The following HOMER2 variants were observed in gnomAD, a reference collection of about 807,000 sequenced individuals.
HOMER2 encodes homer scaffold protein 2, also known as homer protein homolog 2.
Under a neutral mutation model 47.0 loss-of-function variants are expected in HOMER2, and 27 were observed. That is an observed-to-expected ratio of 0.57 (90% confidence interval 0.42 to 0.79). The LOEUF is 0.79. HOMER2 is among the 30% of genes least tolerant of loss of function. HOMER2 has a pLI of 0.00. For synonymous variants in HOMER2, 161 were observed against 163.8 expected, an observed-to-expected ratio of 0.98 and a Z score of 0.13; for missense variants, 443 against 435.0, an observed-to-expected ratio of 1.02 and a Z score of -0.16.
chr15:82,929,653 C>CAAA (rs373315567), intron 1 of HOMER2, among the ~76,000 whole-genome samples: 21 of 90,934 alleles, frequency 2.3e-4, no homozygotes, highest in Middle Eastern at 5.7e-3. Context: ...GTGAGACTAT[C>CAAA]AAAAAAAAAA....
intron 5 of HOMER2, among the ~76,000 whole-genome samples, chr15:82,855,990 T>C (rs2051572430): frequency 6.6e-6 from 1 of 152,178 alleles, no homozygotes; most frequent in African/African-American, 2.4e-5. Context: ...CTAAGTCCTC[T>C]TTCTAAAGGC....
chr15:82,910,465 C>A (rs1157966016), intron 1 of HOMER2, among the ~76,000 whole-genome samples: 2 of 152,152 alleles, frequency 1.3e-5, no homozygotes, highest in Non-Finnish European at 2.9e-5. Flanking sequence ...TAATTTGGAC[C>A]ATACTAGCCA....
chr15:82,920,159 T>C (rs972561988), intron 1 of HOMER2, among the ~76,000 whole-genome samples: 1 of 152,202 alleles, frequency 6.6e-6, no homozygotes, highest in Non-Finnish European at 1.5e-5. Context: ...CCAGGAGCCA[T>C]CAATTCTTTT....
chr15:82,974,505 T>C (rs2151259599), intron 1 of HOMER2, among the ~76,000 whole-genome samples: 1 of 152,184 alleles, frequency 6.6e-6, no homozygotes, highest in Non-Finnish European at 1.5e-5. Context: ...ACAGAGTCAA[T>C]ACACGACAAT....
At chr15:82,856,459 A>G (rs1201087376) in intron 5 of HOMER2, among the ~76,000 whole-genome samples, 2 of 152,046 alleles carry the variant, frequency 1.3e-5, no homozygotes, top group African/African-American at 2.4e-5. Flanking sequence ...CTACAAAAAT[A>G]AAAATAAAAA....
chr15:82,857,752 ACTCTGAGGAGGGGGGCTT>A, intron 5 of HOMER2, among the ~76,000 whole-genome samples: 1 of 152,106 alleles, frequency 6.6e-6, no homozygotes, highest in South Asian at 2.1e-4. Context: ...TAAATGGGCA[ACTCTGAGGAGGGGGGCTT>A]CTCGGTCTGA....
intron 3 of HOMER2, among the ~76,000 whole-genome samples, chr15:82,868,523 T>TATATATATATATA: frequency 2.7e-5 from 1 of 36,640 alleles, no homozygotes; most frequent in South Asian, 1.8e-3. Context: ...CTTATTTATT[T>TATATATATATATA]TATATATATA....
At chr15:82,970,375 G>C (rs573555975) in intron 1 of HOMER2, among the ~76,000 whole-genome samples, 10 of 152,234 alleles carry the variant, frequency 6.6e-5, no homozygotes, top group Non-Finnish European at 1.3e-4. Flanking sequence ...CTGAAAAATG[G>C]ATAGGACACT....
At chr15:82,922,703 G>A (rs937893452) in intron 1 of HOMER2, among the ~76,000 whole-genome samples, 1 of 152,080 alleles carries the variant, frequency 6.6e-6, no homozygotes, top group Non-Finnish European at 1.5e-5. Context: ...ACAGGTGTCC[G>A]CCTGTCCAGC....
upstream of HOMER2, chr15:82,985,931 G>T: frequency 2.7e-6 from 1 of 367,506 alleles, no homozygotes; most frequent in Non-Finnish European, 3.8e-6. Flanking sequence ...TCCCTTCTCC[G>T]GTGATTCCCA....
At chr15:82,881,126 C>T (rs573527571) in intron 2 of HOMER2, among the ~76,000 whole-genome samples, 30 of 152,362 alleles carry the variant, frequency 2.0e-4, no homozygotes, top group Admixed American at 1.7e-3. Flanking sequence ...TGTACACCTT[C>T]TTCTTGCGTG....
At chr15:82,952,261 C>T (rs2054521857) in intron 1 of HOMER2, among the ~76,000 whole-genome samples, 1 of 152,258 alleles carries the variant, frequency 6.6e-6, no homozygotes, top group East Asian at 1.9e-4. Flanking sequence ...CACCGGTCCC[C>T]GTCAGGTGCC....
chr15:82,978,317 C>T (rs927122260), intron 1 of HOMER2, among the ~76,000 whole-genome samples: 14 of 152,136 alleles, frequency 9.2e-5, no homozygotes, highest in African/African-American at 3.1e-4. Context: ...AAACAAATTA[C>T]AATTCCTCAC....
intron 2 of HOMER2, among the ~76,000 whole-genome samples, chr15:82,876,717 A>G (rs1391763540): frequency 5.9e-5 from 9 of 152,350 alleles, no homozygotes; most frequent in African/African-American, 2.2e-4. Flanking sequence ...TTTATTCTCA[A>G]TGGTCAACTC....
chr15:82,836,743 T>C (rs1332765316), downstream of HOMER2, among the ~76,000 whole-genome samples: 3 of 152,226 alleles, frequency 2.0e-5, no homozygotes, highest in Non-Finnish European at 4.4e-5. Context: ...CCATTCTCTC[T>C]TCAGAATTTG....
intron 5 of HOMER2, among the ~76,000 whole-genome samples, chr15:82,855,346 A>AAAAG (rs2051548081): frequency 6.6e-6 from 1 of 150,962 alleles, no homozygotes; most frequent in Non-Finnish European, 1.5e-5. Flanking sequence ...AAAAAAAAAA[A>AAAAG]AAAGAAAACA....
chr15:82,955,347 T>C (rs531780101), upstream of HOMER2, among the ~76,000 whole-genome samples: 4 of 151,740 alleles, frequency 2.6e-5, no homozygotes, highest in Non-Finnish European at 4.4e-5. Context: ...TTTTTTGTAG[T>C]TTTAGTAGAG....
chr15:82,953,770 C>T (rs1380952770), upstream of HOMER2, among the ~76,000 whole-genome samples: 1 of 152,226 alleles, frequency 6.6e-6, no homozygotes, highest in Non-Finnish European at 1.5e-5. Context: ...GTAGTCCCAG[C>T]TACTCCGGAG....
At chr15:82,943,589 T>A (rs182403503) in intron 1 of HOMER2, among the ~76,000 whole-genome samples, 1 of 152,226 alleles carries the variant, frequency 6.6e-6, no homozygotes, top group African/African-American at 2.4e-5. Context: ...ATCTAAAAAC[T>A]CCAATTAAAA....
Sources: allele counts gnomAD v4.1 joint callset (sites outside exome capture counted in the v4.1 genomes callset), GRCh38; gene constraint gnomAD v4.1.1; transcripts MANE v1.5; gene names NCBI Gene and HGNC (gene_info 2026-07-23, HGNC 2026-07-21).